The following MYO9B variants were observed in gnomAD, a reference collection of about 807,000 sequenced individuals.
The protein encoded by MYO9B is unconventional myosin-IXb.
A neutral mutation model predicts 229.5 loss-of-function variants in MYO9B; 71 were observed. The ratio of observed to expected loss-of-function variants is 0.31; its 90% CI spans 0.26 to 0.38. The LOEUF (loss-of-function observed/expected upper bound fraction) is 0.38, where lower values mean the gene tolerates loss of function less well. Among genes scored for constraint, MYO9B ranks in the 10% least tolerant of loss-of-function variants. The pLI, the probability that MYO9B is intolerant of heterozygous loss-of-function variation, is 1.00. For synonymous variants in MYO9B, 1,185 were observed against 1,235.8 expected (o/e 0.96, Z 0.86); for missense variants, 2,255 against 2,920.5 (o/e 0.77, Z 5.25).
chr19:17,090,321 GT>G (rs1310809904), intron 1 of MYO9B, among the ~76,000 whole-genome samples: 7 of 150,822 alleles, frequency 4.6e-5, no homozygotes, highest in Non-Finnish European at 1.0e-4. Flanking sequence ...TTTTTGTGTT[GT>G]TTTTTTTCTG....
intron 1 of MYO9B, among the ~76,000 whole-genome samples, chr19:17,079,416 GTGAC>G (rs951178978): frequency 1.8e-3 from 271 of 152,278 alleles, no homozygotes; most frequent in African/African-American, 6.2e-3. Flanking sequence ...TCTTTGTCTT[GTGAC>G]TGACCTGGAT....
At chr19:17,117,127 G>T (rs2057912176) in intron 2 of MYO9B, among the ~76,000 whole-genome samples, 1 of 152,142 alleles carries the variant, frequency 6.6e-6, no homozygotes, top group South Asian at 2.1e-4. Context: ...TGTTCTGGGG[G>T]TTTTACTGCT....
chr19:17,206,940 G>A, intron 34 of MYO9B, 156 bp downstream of exon 34: 1 of 1,249,094 alleles, frequency 8.0e-7, no homozygotes, highest in Non-Finnish European at 1.1e-6. Flanking sequence ...CAGGCTGCTG[G>A]GCCGCCCGGG....
intron 2 of MYO9B, among the ~76,000 whole-genome samples, chr19:17,124,876 G>T (rs895972362): frequency 9.9e-5 from 15 of 151,902 alleles, no homozygotes; most frequent in African/African-American, 3.4e-4. Flanking sequence ...GATGGTAGGA[G>T]GACACCACAT....
intron 21 of MYO9B, 80 bp from the exon 22 acceptor site, chr19:17,194,476 T>TG (rs2073019030): frequency 6.6e-7 from 1 of 1,504,512 alleles, no homozygotes; most frequent in Admixed American, 2.0e-5. Flanking sequence ...GCCCGCAGGC[T>TG]GGGGGTCCCA....
At position 17,195,211 on chromosome 19, in the gene MYO9B, C is replaced by T. The variant is rs769866039; in HGVS notation, c.3784C>T (p.Pro1262Ser). 3.4e-5 allele frequency: 54 copies of T among 1,611,306 alleles called. No individual in the cohort carries two copies. The highest frequency in any genetic ancestry group is 4.2e-5 in the Non-Finnish European group (49 of 1,179,450). ...CCTGGCCCTGGACAGCAGGGTCAGCCCACCGGCCCCTGGCAGCGCCCCCGA... is the reference window on the plus strand; with the variant it reads ...CCTGGCCCTGGACAGCAGGGTCAGCTCACCGGCCCCTGGCAGCGCCCCCGA... ...TSLALDSRVS[P>S]PAPGSAPETP... is the part of the protein sequence containing the mutation. The change falls in exon 22 of 40, where the codon CCA becomes TCA. Residue 1262 changes from proline to serine, a missense_variant. Pro to Ser is a moderately conservative substitution (Grantham distance 74, BLOSUM62 -1). Transcript: ENST00000682292. The surrounding 1 kb of genome is among the most constrained non-coding windows in gnomAD (Gnocchi z 4.5).
intron 6 of MYO9B, among the ~76,000 whole-genome samples, chr19:17,156,657 C>A (rs2072540527): frequency 6.6e-6 from 1 of 152,200 alleles, no homozygotes; most frequent in South Asian, 2.1e-4. Flanking sequence ...TTGGAGGTTA[C>A]AGTGAGCTAT....
intron 1 of MYO9B, among the ~76,000 whole-genome samples, chr19:17,097,502 A>G (rs1436367423): frequency 6.6e-6 from 1 of 152,214 alleles, no homozygotes; most frequent in African/African-American, 2.4e-5. Flanking sequence ...CTAAATGGAT[A>G]AGACAATCCA....
Position 17,102,391 on chromosome 19 carries a change from C to T in MYO9B, c.674C>T (p.Thr225Ile), listed in dbSNP as rs376266542. The T allele has an allele frequency of 6.2e-7, 1 of 1,613,886 alleles. No individual in the cohort carries two copies. The highest frequency in any genetic ancestry group is 8.5e-7 in the Non-Finnish European group (1 of 1,179,918). Residue 225 changes from threonine to isoleucine, a missense_variant, in exon 2 of 40, where the codon ACC becomes ATC. Physicochemically the swap from Thr to Ile is moderately conservative, Grantham distance 89. Coordinates refer to ENST00000682292, the MANE Select transcript of MYO9B (RefSeq NM_004145.4). ...GCGCTGGCCGACGTGGCCTACTACA[C>T]CATGCTCAGGAAGCGCGTGAACCAG... Reference protein sequence around the residue: ...VFALADVAYYTMLRKRVNQCI... With the variant: ...VFALADVAYYIMLRKRVNQCI...
In MYO9B at chr19:17,093,686, C is replaced by T. The variant is rs1019885341; in HGVS notation, c.-58-7974C>T. 7.7e-4 allele frequency among the ~76,000 whole-genome samples: 76 copies of T among 98,604 alleles called. 1 individual carries two copies. The highest frequency in any genetic ancestry group is 7.3e-4 in the Non-Finnish European group (30 of 40,952). 64.7% of individuals were successfully genotyped at this position (98,604 alleles called of 152,430 possible). ...TGTAATTTTTAAAGCAGTTTTTTTG[C>T]GGGGGGTGGGGGGGGGGGTGGTTTG... On this transcript the variant is annotated intron_variant, in intron 1 of 39. Transcript: ENST00000682292.
At chr19:17,166,504 T>G (rs2145333565) in intron 10 of MYO9B, among the ~76,000 whole-genome samples, 2 of 152,330 alleles carry the variant, frequency 1.3e-5, no homozygotes, top group Admixed American at 1.3e-4. Context: ...TTTATGTTTT[T>G]TTTTTTCACT....
chr19:17,144,114 G>T (rs1371187237), intron 2 of MYO9B, among the ~76,000 whole-genome samples: 1 of 151,892 alleles, frequency 6.6e-6, no homozygotes, highest in Non-Finnish European at 1.5e-5. Context: ...TACTTGGGAG[G>T]CTGAGGCAGA....
chr19:17,188,223 G>A (rs920720865), intron 19 of MYO9B, among the ~76,000 whole-genome samples, 178 bp downstream of exon 19: 3 of 152,054 alleles, frequency 2.0e-5, no homozygotes, highest in African/African-American at 7.2e-5. Context: ...GAGGTCAAGA[G>A]TTCAAGACCA....
chr19:17,118,085 A>G (rs940992521), intron 2 of MYO9B, among the ~76,000 whole-genome samples: 1 of 151,720 alleles, frequency 6.6e-6, no homozygotes, highest in African/African-American at 2.4e-5. Context: ...CTGGGGAGGG[A>G]GAGATGCTAC....
At chr19:17,108,903 G>A (rs903132648) in intron 2 of MYO9B, among the ~76,000 whole-genome samples, 2 of 151,568 alleles carry the variant, frequency 1.3e-5, no homozygotes, top group East Asian at 1.9e-4. Flanking sequence ...TAGTAGAGAC[G>A]GGTTTCACCA....
chr19:17,182,326 G>A (rs915332909), intron 15 of MYO9B, among the ~76,000 whole-genome samples: 5 of 152,038 alleles, frequency 3.3e-5, no homozygotes, highest in Admixed American at 2.6e-4. Flanking sequence ...GGGCTCAAGC[G>A]ATCTTCCTGC....
chr19:17,164,667 C>A (rs2072639998), intron 10 of MYO9B, among the ~76,000 whole-genome samples: 1 of 152,196 alleles, frequency 6.6e-6, no homozygotes, highest in Admixed American at 6.5e-5. Flanking sequence ...TAGGCGTGAG[C>A]CACCGCGCCT....
intron 1 of MYO9B, among the ~76,000 whole-genome samples, chr19:17,100,897 G>C (rs1041142268): frequency 1.3e-5 from 2 of 151,792 alleles, no homozygotes; most frequent in African/African-American, 4.8e-5. Flanking sequence ...GACAGGTTCA[G>C]TCTTGCTCAT....
intron 28 of MYO9B, 30 bp from the exon 29 acceptor site, chr19:17,202,812 C>T (rs1455053838): frequency 6.4e-7 from 1 of 1,571,542 alleles, no homozygotes; most frequent in South Asian, 1.2e-5. Flanking sequence ...AGGGGGGCCC[C>T]CGCCAACCTC....
Sources: gnomAD v4.1 joint callset for allele counts (sites outside exome capture counted in the v4.1 genomes callset) on GRCh38, gnomAD v4.1.1 for gene constraint, Gnocchi (gnomAD v3.1) non-coding constraint, MANE v1.5 for transcripts, NCBI Gene and HGNC (gene_info 2026-07-23, HGNC 2026-07-21) for gene names.